The following ASTN1 variants were observed in gnomAD, a reference collection of about 807,000 sequenced individuals.
The protein encoded by ASTN1 is astrotactin 1.
ASTN1 carries 41 observed loss-of-function variants against 140.7 expected under a neutral mutation model. The observed-to-expected ratio is 0.29, with a 90% CI of 0.23 to 0.38. The LOEUF (loss-of-function observed/expected upper bound fraction) is 0.38. ASTN1 is among the 10% of genes least tolerant of loss of function. ASTN1 has a pLI of 1.00. For missense variants in ASTN1, 1,479 were observed against 1,678.8 expected, an observed-to-expected ratio of 0.88 and a Z score of 2.08; for synonymous variants, 640 against 652.2, an observed-to-expected ratio of 0.98 and a Z score of 0.29.
chr1:176,869,985 G>A (rs1668274211), intron 21 of ASTN1, among the ~76,000 whole-genome samples: 1 of 152,084 alleles, frequency 6.6e-6, no homozygotes, highest in South Asian at 2.1e-4. Flanking sequence ...GTGTAAATGA[G>A]TAATCTTTCC....
chr1:177,141,519 T>C (rs1258031032), intron 1 of ASTN1, among the ~76,000 whole-genome samples: 1 of 152,158 alleles, frequency 6.6e-6, no homozygotes, highest in Non-Finnish European at 1.5e-5. Flanking sequence ...CCTCTCTGTA[T>C]TTTTGGTATC....
At chr1:176,859,348 G>C (rs921718415), downstream of ASTN1, among the ~76,000 whole-genome samples, 1 of 152,120 alleles carries the variant, frequency 6.6e-6, no homozygotes, top group African/African-American at 2.4e-5. Flanking sequence ...TTGGTGATGG[G>C]GACATTGTGG....
chr1:177,112,377 G>A (rs910819120), intron 1 of ASTN1, among the ~76,000 whole-genome samples: 19 of 152,176 alleles, frequency 1.2e-4, no homozygotes, highest in Non-Finnish European at 1.9e-4. Flanking sequence ...GCTCCTATCC[G>A]CCACGCCTTC....
chr1:177,100,619 T>C (rs1330364261), intron 1 of ASTN1, among the ~76,000 whole-genome samples: 1 of 152,132 alleles, frequency 6.6e-6, no homozygotes, highest in East Asian at 1.9e-4. Context: ...AAATTACCAC[T>C]GGGTAAGGGT....
At chr1:176,924,706 A>G (rs1161203341) in intron 16 of ASTN1, among the ~76,000 whole-genome samples, 1 of 152,190 alleles carries the variant, frequency 6.6e-6, no homozygotes, top group African/African-American at 2.4e-5. Context: ...AAGTTTACAT[A>G]TCTGGAGTAG....
intron 1 of ASTN1, among the ~76,000 whole-genome samples, chr1:177,092,174 C>T (rs566265815): frequency 2.0e-5 from 3 of 152,044 alleles, no homozygotes; most frequent in African/African-American, 7.2e-5. Context: ...TTATTGTTCC[C>T]ATTTTTGACT....
chr1:177,149,569 CTGTATATATATAGTAAATATATATA>C (rs1682926546), intron 1 of ASTN1, among the ~76,000 whole-genome samples: 1 of 52,196 alleles, frequency 1.9e-5, no homozygotes, highest in East Asian at 5.9e-4. Flanking sequence ...TATATATACA[CTGTATATATATAGTAAATATATATA>C]CACTGTATAT....
intron 2 of ASTN1, among the ~76,000 whole-genome samples, chr1:177,034,461 TAGAGAAAGAATAAACATGCTC>T (rs1430863649): frequency 6.6e-6 from 1 of 152,136 alleles, no homozygotes; most frequent in Non-Finnish European, 1.5e-5. Flanking sequence ...TATGCAAGTA[TAGAGAAAGAATAAACATGCTC>T]AGGTTCCATT....
chr1:177,158,827 G>A (rs1683359480), intron 1 of ASTN1, among the ~76,000 whole-genome samples: 1 of 151,398 alleles, frequency 6.6e-6, no homozygotes, highest in South Asian at 2.1e-4. Context: ...GGAGGCCGAG[G>A]TGGGTGGATC....
At chr1:177,065,895 T>C (rs1433737846) in intron 1 of ASTN1, among the ~76,000 whole-genome samples, 3 of 152,120 alleles carry the variant, frequency 2.0e-5, no homozygotes. Flanking sequence ...TTACTATAAC[T>C]CTAATCCTAC....
chr1:177,067,468 T>C (rs913919571), intron 1 of ASTN1, among the ~76,000 whole-genome samples: 1 of 152,150 alleles, frequency 6.6e-6, no homozygotes, highest in African/African-American at 2.4e-5. Flanking sequence ...ATGATAGAAA[T>C]ACCCCCCTCT....
At chr1:176,933,770 T>A (rs531036258) in intron 16 of ASTN1, among the ~76,000 whole-genome samples, 2 of 152,146 alleles carry the variant, frequency 1.3e-5, no homozygotes, top group African/African-American at 4.8e-5. Flanking sequence ...CCAGGCAGAG[T>A]TGGGTGTGAC....
At position 176,861,370 on chromosome 1, in the gene ASTN1, G is replaced by A; in HGVS notation, c.*2914C>T. The stretch of plus-strand genomic sequence containing the variant: ...TGTACATTCAAGAGGAAACTCCAGA[G>A]GTCTTGGGGACATGGGAGCTGGGAG... On this transcript the variant is annotated 3_prime_UTR_variant, in exon 23 of 23. Transcript: ENST00000361833. 1.0e-6 allele frequency: 1 copy of A among 985,852 alleles called. No individual in the cohort carries two copies. The highest frequency in any genetic ancestry group is 1.2e-6 in the Non-Finnish European group (1 of 829,934). The allele number at this position is 985,852 out of a possible 1,614,324, so 61.1% of individuals were successfully genotyped here. A position where few individuals can be genotyped will look rare whatever the true frequency, so the allele number is the denominator to read the frequency against.
chr1:177,161,271 C>G (rs1336795634), intron 1 of ASTN1, among the ~76,000 whole-genome samples: 1 of 152,170 alleles, frequency 6.6e-6, no homozygotes, highest in Non-Finnish European at 1.5e-5. Context: ...TGTCATGTCA[C>G]AAGGCTCTGT....
At chr1:176,903,136 C>G (rs1454310155) in intron 16 of ASTN1, among the ~76,000 whole-genome samples, 1 of 152,150 alleles carries the variant, frequency 6.6e-6, no homozygotes, top group Non-Finnish European at 1.5e-5. Flanking sequence ...TGACAACTCA[C>G]CATAGGCAAG....
intron 1 of ASTN1, among the ~76,000 whole-genome samples, chr1:177,115,549 C>CG (rs1681042945): frequency 6.6e-6 from 1 of 151,662 alleles, no homozygotes; most frequent in Non-Finnish European, 1.5e-5. Flanking sequence ...CATAGCTACT[C>CG]GGGGGACTGA....
chr1:176,986,885 C>G (rs1652781075), intron 8 of ASTN1, among the ~76,000 whole-genome samples: 1 of 152,102 alleles, frequency 6.6e-6, no homozygotes, highest in African/African-American at 2.4e-5. Flanking sequence ...ATATAAGTAC[C>G]TGTTGTTATT....
intron 12 of ASTN1, 116 bp downstream of exon 12, chr1:176,949,069 A>G: frequency 7.2e-7 from 1 of 1,385,274 alleles, no homozygotes; most frequent in South Asian, 1.4e-5. Context: ...CTTTCCTCAG[A>G]GACTAAGGGA....
chr1:177,029,543 G>C (rs780251497), intron 5 of ASTN1, 91 bp downstream of exon 5: 1 of 1,327,978 alleles, frequency 7.5e-7, no homozygotes, highest in African/African-American at 1.5e-5. Context: ...GTTCCATAGA[G>C]CCCACAACCC....
Sources: allele counts gnomAD v4.1 joint callset (sites outside exome capture counted in the v4.1 genomes callset), GRCh38; gene constraint gnomAD v4.1.1; transcripts MANE v1.5; gene names NCBI Gene and HGNC (gene_info 2026-07-23, HGNC 2026-07-21).